Variants in RGR observed in about 807,000 individuals in gnomAD.
The protein encoded by RGR is retinal G protein coupled receptor, also known as RPE-retinal G protein-coupled receptor.
Under a neutral mutation model 28.6 loss-of-function variants are expected in RGR, and 30 were observed. The ratio of observed to expected loss-of-function variants is 1.05; its 90% CI spans 0.78 to 1.42. RGR has a LOEUF of 1.42. Ranked by LOEUF, RGR falls within the 40% of genes most tolerant of loss-of-function variation. The pLI is 0.00. For missense variants in RGR, 404 were observed against 375.6 expected, an observed-to-expected ratio of 1.08 and a Z score of -0.62; for synonymous variants, 180 against 156.4, an observed-to-expected ratio of 1.15 and a Z score of -1.13.
chr10:84,246,074 C>G (rs1272242765), intron 1 of RGR, among the ~76,000 whole-genome samples: 1 of 152,200 alleles, frequency 6.6e-6, no homozygotes, highest in Non-Finnish European at 1.5e-5. Flanking sequence ...TTCCTGAGAA[C>G]CCTACAATCT....
At chr10:84,246,446 G>A (rs1001309844) in intron 1 of RGR, among the ~76,000 whole-genome samples, 13 of 151,926 alleles carry the variant, frequency 8.6e-5, no homozygotes, top group Non-Finnish European at 7.4e-5. Context: ...GCGTACTCAC[G>A]GTTTAGCTCC....
At chr10:84,252,534 T>A (rs1172250809) in intron 3 of RGR, among the ~76,000 whole-genome samples, 1 of 152,238 alleles carries the variant, frequency 6.6e-6, no homozygotes. Flanking sequence ...ATTCCCATTG[T>A]GGGCGAGAAT....
At chr10:84,250,117 G>A (rs974300832) in intron 3 of RGR, among the ~76,000 whole-genome samples, 8 of 152,242 alleles carry the variant, frequency 5.3e-5, no homozygotes, top group Middle Eastern at 3.4e-3. Context: ...TCACAGCCTC[G>A]GAAGCAGAGG....
intron 5 of RGR, chr10:84,255,553 A>G (rs938808594): frequency 2.0e-5 from 3 of 152,166 alleles, no homozygotes; most frequent in South Asian, 4.1e-4. Flanking sequence ...CCTCCTGGCC[A>G]TTTTTTAGTT....
At chr10:84,257,644 G>C (rs1345789055) in intron 5 of RGR, among the ~76,000 whole-genome samples, 1 of 152,336 alleles carries the variant, frequency 6.6e-6, no homozygotes, top group South Asian at 2.1e-4. Context: ...AGCCACGTTG[G>C]GTATTGTCAG....
chr10:84,245,971 T>C (rs1842741758), intron 1 of RGR, among the ~76,000 whole-genome samples: 1 of 152,162 alleles, frequency 6.6e-6, no homozygotes, highest in East Asian at 1.9e-4. Flanking sequence ...TCTCACCTAA[T>C]GAGAACTGAC....
chr10:84,259,204 T>G lies in RGR; in HGVS notation c.*565T>G, dbSNP rs529384185. The G allele has an allele frequency of 1.7e-3, 292 of 167,564 alleles. No homozygotes were observed. The highest frequency in any genetic ancestry group is 6.8e-3 in the African/African-American group (285 of 41,780). The allele number at this position is 167,564 out of a possible 1,614,324, so 10.4% of individuals were successfully genotyped here. On this transcript the variant is annotated 3_prime_UTR_variant, in exon 7 of 7. Coordinates refer to ENST00000652092, the MANE Select transcript of RGR (RefSeq NM_001012720.2). ...TTCATCCATGTTGCTGCAAAAGACA[T>G]GATCTCGTTCTTTTTTATGGCAGTG...
At chr10:84,256,919 G>T (rs1221918927) in intron 5 of RGR, among the ~76,000 whole-genome samples, 1 of 152,064 alleles carries the variant, frequency 6.6e-6, no homozygotes, top group African/African-American at 2.4e-5. Flanking sequence ...CTCCCCAGGG[G>T]ATTCCACGTC....
chr10:84,254,891 G>T (rs1416264527), intron 5 of RGR, among the ~76,000 whole-genome samples: 1 of 152,126 alleles, frequency 6.6e-6, no homozygotes, highest in African/African-American at 2.4e-5. Flanking sequence ...TCTCTCTAAT[G>T]CACATGCGCA....
chr10:84,247,263 G>A (rs1842758169), intron 1 of RGR, among the ~76,000 whole-genome samples: 2 of 152,174 alleles, frequency 1.3e-5, no homozygotes, highest in African/African-American at 4.8e-5. Context: ...TCAAGTTCCA[G>A]CTCCACCGCT....
chr10:84,257,798 C>T (rs1842905742), intron 5 of RGR, 95 bp from the exon 6 acceptor site: 1 of 996,820 alleles, frequency 1.0e-6, no homozygotes, highest in African/African-American at 1.6e-5. Context: ...TCCATGCTGC[C>T]CCGCCCTGCT....
chr10:84,254,395 T>C lies in RGR; in HGVS notation c.582T>C (p.Thr194=), dbSNP rs753888141. ...CCATGCCCCTCTTCATCACGATCAC[T>C]TCCTACAGTCTCATGGAGCAGAAAC... ...NFAMPLFITI[T]SYSLMEQKLG... is the part of the protein sequence containing the mutation. The change falls in exon 5 of 7, where the codon ACT becomes ACC. Residue 194 remains threonine (T), a synonymous_variant. Transcript: ENST00000652092. The C allele has an allele frequency of 6.2e-7, 1 of 1,614,160 alleles. No individual in the cohort carries two copies. Among genetic ancestry groups the C allele is most frequent in the Non-Finnish European group, 8.5e-7 (1 of 1,180,026 alleles).
rs1417022061 is a variant in RGR at position 84,258,789 on chromosome 10, C to A, written c.*150C>A. The A allele has an allele frequency of 6.9e-6, 8 of 1,161,650 alleles. No individual in the cohort carries two copies. The highest frequency in any genetic ancestry group is 9.9e-6 in the Non-Finnish European group (8 of 809,298). 72.0% of individuals were successfully genotyped at this position (1,161,650 alleles called of 1,614,324 possible). A position where few individuals can be genotyped will look rare whatever the true frequency, so the allele number is the denominator to read the frequency against. Reference sequence around the variant, plus strand: ...GCTGGACACAGGATTCAGAAAGACACCAGGCTGCACAGAAAGAGCCAGATG... The same window carrying A: ...GCTGGACACAGGATTCAGAAAGACAACAGGCTGCACAGAAAGAGCCAGATG... On this transcript the variant is annotated 3_prime_UTR_variant, in exon 7 of 7. Coordinates refer to ENST00000652092, the MANE Select transcript of RGR (RefSeq NM_001012720.2).
chr10:84,250,636 C>G, intron 3 of RGR: 1 of 587,780 alleles, frequency 1.7e-6, no homozygotes, highest in Non-Finnish European at 3.1e-6. Flanking sequence ...GATCAAAGCC[C>G]TTTCTATACT....
chr10:84,250,371 A>G (rs1376137811), intron 3 of RGR: 3 of 717,170 alleles, frequency 4.2e-6, no homozygotes, highest in East Asian at 5.4e-5. Context: ...CTCCTGTCAT[A>G]TGCCTCTCTC....
chr10:84,253,330 A>G (rs1390058776), intron 4 of RGR, among the ~76,000 whole-genome samples: 1 of 152,198 alleles, frequency 6.6e-6, no homozygotes, highest in Non-Finnish European at 1.5e-5. Context: ...AGCCATCTTC[A>G]GCACAGTCGA....
intron 2 of RGR, chr10:84,248,251 G>A: frequency 1.7e-6 from 2 of 1,184,060 alleles, no homozygotes; most frequent in Non-Finnish European, 2.2e-6. Flanking sequence ...GATGCAGTGT[G>A]GAGAGGATAA....
Position 84,257,984 on chromosome 10 carries a change from C to A in RGR, c.722C>A (p.Ser241Tyr). 1 of 1,614,140 alleles carries A rather than the reference C, an allele frequency of 6.2e-7. No homozygotes were observed. Among genetic ancestry groups the A allele is most frequent in the Non-Finnish European group, 8.5e-7 (1 of 1,179,996 alleles). The change falls in exon 6 of 7, where the codon TCC becomes TAC. Residue 241 changes from serine to tyrosine, a missense_variant. Ser to Tyr is a moderately radical substitution (Grantham distance 144). Transcript: ENST00000652092. ...TACGCAGTCATCGCAGACGTGACTT[C>A]CATCTCCCCCAAACTGCAGATGGTA... Reference protein sequence around the residue: ...YLYAVIADVTSISPKLQMVPA... With the variant: ...YLYAVIADVTYISPKLQMVPA...
rs1356293591 is a variant in RGR, at chr10:84,259,940, T to C, written c.*1301T>C. The C allele has an allele frequency of 6.6e-6, 1 of 152,194 alleles. No homozygotes were observed. The highest frequency in any genetic ancestry group is 2.4e-5 in the African/African-American group (1 of 41,452). 9.4% of individuals were successfully genotyped at this position (152,194 alleles called of 1,614,324 possible). A position where few individuals can be genotyped will look rare whatever the true frequency, so the allele number is the denominator to read the frequency against. ...TTGCTGTGCAGAAACTTTTTTAGTT[T>C]AATTAAGTCCCATTTGTCTATTTTT... On this transcript the variant is annotated 3_prime_UTR_variant, in exon 7 of 7. Transcript: ENST00000652092.
Sources: gnomAD v4.1 joint callset for allele counts (sites outside exome capture counted in the v4.1 genomes callset) on GRCh38, gnomAD v4.1.1 for gene constraint, MANE v1.5 for transcripts, NCBI Gene and HGNC (gene_info 2026-07-23, HGNC 2026-07-21) for gene names.